CDK14: variants seen among roughly 807,000 people sequenced by gnomAD.
CDK14 encodes cyclin-dependent kinase 14.
A neutral mutation model predicts 60.7 loss-of-function variants in CDK14; 34 were observed. That is an observed-to-expected ratio of 0.56 (90% CI 0.43 to 0.75). The LOEUF (loss-of-function observed/expected upper bound fraction) is 0.75. Ranked by LOEUF, CDK14 falls within the 30% of genes least tolerant of loss-of-function variation. The pLI is 0.00. For synonymous variants in CDK14, 197 were observed against 203.7 expected (o/e 0.97, Z 0.28); for missense variants, 482 against 564.1 (o/e 0.85, Z 1.47).
At chr7:90,757,479 A>C (rs887685018) in intron 4 of CDK14, among the ~76,000 whole-genome samples, 1 of 152,144 alleles carries the variant, frequency 6.6e-6, no homozygotes, top group Non-Finnish European at 1.5e-5. Context: ...CATTGCATTC[A>C]TGACAGTGTT....
intron 12 of CDK14, 23 bp downstream of exon 12, chr7:91,079,503 C>T: frequency 6.6e-7 from 1 of 1,526,316 alleles, no homozygotes; most frequent in Non-Finnish European, 9.1e-7. Flanking sequence ...ACAGATTGTG[C>T]TCATTCTCTT....
At chr7:91,022,280 G>C (rs1195479896) in intron 10 of CDK14, among the ~76,000 whole-genome samples, 1 of 152,178 alleles carries the variant, frequency 6.6e-6, no homozygotes, top group African/African-American at 2.4e-5. Context: ...CTTCGTAAAG[G>C]CTCATCATTT....
At chr7:91,051,694 A>G (rs561467754) in intron 11 of CDK14, among the ~76,000 whole-genome samples, 66 of 152,256 alleles carry the variant, frequency 4.3e-4, no homozygotes, top group Non-Finnish European at 8.2e-4. Flanking sequence ...AAAATAAATC[A>G]TATTCCTTTT....
chr7:90,863,670 ATGTGTGTGTGTGTG>A (rs111580477), intron 6 of CDK14, among the ~76,000 whole-genome samples: 3 of 145,880 alleles, frequency 2.1e-5, no homozygotes, highest in African/African-American at 7.6e-5. Context: ...TTATTAAGAT[ATGTGTGTGTGTGTG>A]TGTGTGTGTG....
chr7:90,789,858 C>A (rs73220805), intron 4 of CDK14, among the ~76,000 whole-genome samples: 2,526 of 152,084 alleles, frequency 0.017, 33 homozygotes, highest in South Asian at 0.048. Context: ...TGATTGATGG[C>A]AGAAATGACT....
intron 5 of CDK14, among the ~76,000 whole-genome samples, chr7:90,862,833 T>C (rs890990464): frequency 7.9e-5 from 12 of 152,150 alleles, no homozygotes; most frequent in Non-Finnish European, 1.3e-4. Flanking sequence ...TAACTAGAGA[T>C]TAATAACAGA....
intron 10 of CDK14, among the ~76,000 whole-genome samples, chr7:91,033,747 C>T (rs1182316243): frequency 6.6e-6 from 1 of 152,226 alleles, no homozygotes; most frequent in East Asian, 1.9e-4. Context: ...GCCTCTGCAG[C>T]TTCCACCCTT....
intron 5 of CDK14, among the ~76,000 whole-genome samples, chr7:90,795,799 T>C (rs1401614073): frequency 6.6e-6 from 1 of 152,000 alleles, no homozygotes; most frequent in Non-Finnish European, 1.5e-5. Flanking sequence ...GTATGCAGGG[T>C]GTGCACTAGA....
rs377633441 is a variant in CDK14, at chr7:91,073,900, CAAA to C, written c.1106-5531_1106-5529del. Among the ~76,000 whole-genome samples the C allele has an allele frequency of 4.3e-3, 657 of 151,160 alleles. 4 individuals carry two copies. The highest frequency in any genetic ancestry group is 0.015 in the African/African-American group (634 of 41,316). On this transcript the variant is annotated intron_variant, in intron 11 of 14. Coordinates refer to ENST00000380050, the MANE Select transcript of CDK14 (RefSeq NM_001287135.2). ...TTAAACCAACAAAGATCAGAAAAGA[CAAA>C]GAAGGGCATTACATGATGATAAACA... is the stretch of plus-strand genomic sequence containing the variant.
At chr7:90,718,259 A>C (rs1802322533) in intron 2 of CDK14, among the ~76,000 whole-genome samples, 1 of 152,104 alleles carries the variant, frequency 6.6e-6, no homozygotes, top group African/African-American at 2.4e-5. Context: ...AAAATCTGAA[A>C]AGACTGGAGA....
intron 6 of CDK14, among the ~76,000 whole-genome samples, chr7:90,891,812 G>A (rs1163627410): frequency 1.3e-5 from 2 of 152,200 alleles, no homozygotes; most frequent in Admixed American, 1.3e-4. Flanking sequence ...TAGGAGAATG[G>A]AAACAAATAC....
intron 4 of CDK14, among the ~76,000 whole-genome samples, chr7:90,771,236 A>C (rs1804771964): frequency 6.6e-6 from 1 of 152,108 alleles, no homozygotes; most frequent in South Asian, 2.1e-4. Context: ...GATCGGAATA[A>C]TTTTTTCTTT....
intron 2 of CDK14, among the ~76,000 whole-genome samples, chr7:90,696,906 G>A (rs1801669311): frequency 6.6e-6 from 1 of 152,174 alleles, no homozygotes; most frequent in African/African-American, 2.4e-5. Flanking sequence ...TGGAGTCAAA[G>A]TGAAGAAAGA....
Position 90,908,301 on chromosome 7 carries a change from G to A in CDK14, c.702+8948G>A, listed in dbSNP as rs893907062. Among the ~76,000 whole-genome samples, 15 of 152,204 alleles carry A rather than the reference G, an allele frequency of 9.9e-5. No individual in the cohort carries two copies. In the East Asian group the frequency reaches 2.7e-3, roughly 27 times the overall value. ...GTCTGCATTTAGTTGTTTAGAACAT[G>A]TCTTTTGCATCCTCAGGATCATCCG... is the stretch of plus-strand genomic sequence containing the variant. On this transcript the variant is annotated intron_variant, in intron 7 of 14. Transcript: ENST00000380050.
intron 6 of CDK14, among the ~76,000 whole-genome samples, chr7:90,890,600 A>G (rs1001767387): frequency 1.3e-5 from 2 of 152,304 alleles, no homozygotes. Context: ...TTGGAAGTGA[A>G]GTAGATAAGT....
chr7:90,927,029 G>T (rs995505725), intron 8 of CDK14, among the ~76,000 whole-genome samples: 2 of 152,130 alleles, frequency 1.3e-5, no homozygotes, highest in Non-Finnish European at 2.9e-5. Context: ...GAGCTTCCAG[G>T]CATTCTCCAG....
At chr7:90,995,199 T>A (rs1795649760) in intron 10 of CDK14, among the ~76,000 whole-genome samples, 1 of 152,198 alleles carries the variant, frequency 6.6e-6, no homozygotes, top group South Asian at 2.1e-4. Context: ...TCTTCCTCTC[T>A]TACCGGCTCG....
At chr7:91,062,746 G>A (rs1214537306) in intron 11 of CDK14, among the ~76,000 whole-genome samples, 1 of 147,992 alleles carries the variant, frequency 6.8e-6, no homozygotes, top group East Asian at 1.9e-4. Context: ...GGAAAATACT[G>A]TTTCATGACA....
rs1435843132 is a variant in CDK14, at chr7:90,690,720, G to A, written c.124-35847G>A. Among the ~76,000 whole-genome samples the A allele has an allele frequency of 9.0e-5, 12 of 133,356 alleles. 1 individual carries two copies. The South Asian group carries it at 3.0e-3, about 33-fold the overall frequency. The allele number at this position is 133,356 out of a possible 152,430, so 87.5% of individuals were successfully genotyped here. ...ACCCTTTAGCTGTGTGTCATTTTAT[G>A]AGCCGCAACATACATTAATTTAAAA... On this transcript the variant is annotated intron_variant, in intron 2 of 14. Coordinates refer to ENST00000380050, the MANE Select transcript of CDK14 (RefSeq NM_001287135.2).
Sources: allele counts gnomAD v4.1 joint callset (sites outside exome capture counted in the v4.1 genomes callset), GRCh38; gene constraint gnomAD v4.1.1; transcripts MANE v1.5; gene names NCBI Gene and HGNC (gene_info 2026-07-23, HGNC 2026-07-21).